Variants in RNF212 observed in about 807,000 individuals in gnomAD.
The protein encoded by RNF212 is ring finger protein 212, also known as probable E3 SUMO-protein ligase RNF212.
RNF212 carries 33 observed loss-of-function variants against 34.7 expected under a neutral mutation model. The observed-to-expected ratio is 0.95, with a 90% confidence interval of 0.72 to 1.27. RNF212 has a LOEUF of 1.27. RNF212 is among the 50% of genes most tolerant of loss of function. The pLI is 0.00. For synonymous variants in RNF212, 140 were observed against 136.1 expected, an observed-to-expected ratio of 1.03 and a Z score of -0.20; for missense variants, 377 against 362.2, an observed-to-expected ratio of 1.04 and a Z score of -0.33.
intron 8 of RNF212, among the ~76,000 whole-genome samples, chr4:1,074,067 T>A (rs111481773): frequency 6.6e-6 from 1 of 152,214 alleles, no homozygotes; most frequent in Non-Finnish European, 1.5e-5. Flanking sequence ...TTGGAGCTAA[T>A]GCTGCTCAGA....
intron 5 of RNF212, among the ~76,000 whole-genome samples, chr4:1,084,377 G>A (rs1044093179): frequency 1.3e-5 from 2 of 152,146 alleles, no homozygotes; most frequent in Non-Finnish European, 2.9e-5. Flanking sequence ...GGTCTCCGTT[G>A]CAATGCGTTT....
intron 8 of RNF212, among the ~76,000 whole-genome samples, chr4:1,078,400 G>A (rs1020156559): frequency 7.2e-5 from 11 of 152,146 alleles, no homozygotes; most frequent in East Asian, 3.9e-4. Context: ...GTGTGTGGCC[G>A]ATGTGGTACA....
At position 1,072,680 on chromosome 4, in the gene RNF212, G is replaced by A; in HGVS notation, c.*194C>T. ...AAAGGGATAATAACAATATATATGA[G>A]TACATAAAAATATTGTCTCTAAAAT... On this transcript the variant is annotated 3_prime_UTR_variant, in exon 10 of 10. Coordinates refer to ENST00000433731, the MANE Select transcript of RNF212 (RefSeq NM_001131034.4). The A allele has an allele frequency of 2.3e-6, 3 of 1,284,572 alleles. No individual in the cohort carries two copies. Among genetic ancestry groups the A allele is most frequent in the East Asian group, 5.4e-5 (2 of 36,988 alleles). 79.6% of individuals were successfully genotyped at this position (1,284,572 alleles called of 1,614,324 possible). A position where few individuals can be genotyped will look rare whatever the true frequency, so the allele number is the denominator to read the frequency against.
intron 3 of RNF212, among the ~76,000 whole-genome samples, chr4:1,092,658 GA>G (rs1722370640): frequency 6.6e-6 from 1 of 152,258 alleles, no homozygotes. Context: ...CTGAGCCAGA[GA>G]AACAGGTCAA....
At chr4:1,093,124 C>A (rs1471329027) in intron 3 of RNF212, among the ~76,000 whole-genome samples, 4 of 152,150 alleles carry the variant, frequency 2.6e-5, no homozygotes, top group African/African-American at 9.7e-5. Context: ...TGGACCAGGG[C>A]AGGCAGTGGC....
chr4:1,058,118 G>A lies in RNF212; in HGVS notation n.220+203C>T, dbSNP rs371215667. 6.9e-4 allele frequency among the ~76,000 whole-genome samples: 105 copies of A among 151,898 alleles called. 1 individual carries two copies. The South Asian group carries it at 0.011, about 16-fold the overall frequency. On this transcript the variant is annotated intron_variant and non_coding_transcript_variant, in intron 4 of 4. Coordinates refer to the RNF212 transcript ENST00000503206. ...TATACAACAAAACCTGACTCAAAGC[G>A]TGTAAAAACAGGGATGAAAAGCAAC...
intron 2 of RNF212, chr4:1,099,874 G>C (rs769285848): frequency 2.2e-6 from 1 of 456,238 alleles, no homozygotes; most frequent in Admixed American, 2.3e-5. Flanking sequence ...CTCTCCTCAC[G>C]CAGCTGTAAA....
chr4:1,090,325 G>A (rs1721987662), intron 4 of RNF212, among the ~76,000 whole-genome samples: 1 of 152,170 alleles, frequency 6.6e-6, no homozygotes. Flanking sequence ...GGAGGCAGCA[G>A]GGTCACAAGC....
chr4:1,106,842 T>A (rs1724907711), intron 2 of RNF212, among the ~76,000 whole-genome samples: 1 of 152,248 alleles, frequency 6.6e-6, no homozygotes, highest in Admixed American at 6.5e-5. Context: ...TTATATCTTT[T>A]GCCCTTGCTT....
chr4:1,063,232 G>A (rs919741761), intron 3 of RNF212, among the ~76,000 whole-genome samples: 2 of 152,012 alleles, frequency 1.3e-5, no homozygotes, highest in African/African-American at 4.8e-5. Context: ...GGAAATGCAA[G>A]GAACTCAAAA....
chr4:1,080,999 A>G (rs1416200087), intron 7 of RNF212, among the ~76,000 whole-genome samples: 1 of 152,062 alleles, frequency 6.6e-6, no homozygotes, highest in Non-Finnish European at 1.5e-5. Context: ...TGTGTGAGGG[A>G]CCCCCAGCCA....
chr4:1,060,659 GC>G (rs1717689585), intron 3 of RNF212, among the ~76,000 whole-genome samples: 2 of 152,256 alleles, frequency 1.3e-5, no homozygotes, highest in East Asian at 3.8e-4. Context: ...ACTGAAACAT[GC>G]TGACATTTGA....
downstream of RNF212, among the ~76,000 whole-genome samples, chr4:1,070,202 G>A (rs1169510856): frequency 3.1e-4 from 38 of 122,372 alleles, no homozygotes; most frequent in Middle Eastern, 7.1e-3. Context: ...GTTTTGTAGG[G>A]CTGTGCTGTG....
intron 2 of RNF212, among the ~76,000 whole-genome samples, chr4:1,100,534 A>T (rs1411932585): frequency 3.3e-5 from 5 of 151,082 alleles, no homozygotes; most frequent in African/African-American, 1.2e-4. Flanking sequence ...CAGGCTCCCA[A>T]GTAATTGGGA....
exon 1 of RNF212, chr4:1,113,553 GGGCAGCTCTGCGCCTGCGCAAAGTCGAC>G (rs1276848275): frequency 9.2e-7 from 1 of 1,085,720 alleles, no homozygotes; most frequent in South Asian, 1.5e-5. Context: ...GCCCGAAGGC[GGGCAGCTCTGCGCCTGCGCAAAGTCGAC>G]GGCAGCCCTG....
At chr4:1,111,776 G>C (rs985358436) in intron 1 of RNF212, among the ~76,000 whole-genome samples, 1 of 152,098 alleles carries the variant, frequency 6.6e-6, no homozygotes, top group African/African-American at 2.4e-5. Flanking sequence ...GATCACCGAA[G>C]ACAGGAGCAA....
intron 3 of RNF212, among the ~76,000 whole-genome samples, chr4:1,092,433 G>A (rs1722334559): frequency 6.6e-6 from 1 of 152,100 alleles, no homozygotes; most frequent in Admixed American, 6.5e-5. Context: ...GGTGTTGCAG[G>A]GTCTACACCA....
At position 1,058,384 on chromosome 4, in the gene RNF212, G is replaced by T; in HGVS notation, n.157C>A. 1.6e-5 allele frequency: 16 copies of T among 982,580 alleles called. 2 individuals are homozygous for T. Among genetic ancestry groups the T allele is most frequent in the Non-Finnish European group, 1.7e-5 (14 of 825,354 alleles). The allele number at this position is 982,580 out of a possible 1,614,324, so 60.9% of individuals were successfully genotyped here. The stretch of plus-strand genomic sequence containing the variant: ...GCCGGGATGCTCGGGGCCCAGGGAG[G>T]AGACGCTGCCTGTGGTGGAACAAGA... On this transcript the variant is annotated non_coding_transcript_exon_variant, in exon 4 of 5. Coordinates refer to the RNF212 transcript ENST00000503206.
chr4:1,069,052 A>C (rs1381802266), downstream of RNF212, among the ~76,000 whole-genome samples: 4 of 152,282 alleles, frequency 2.6e-5, no homozygotes, highest in South Asian at 8.3e-4. Flanking sequence ...TACTAAAAAT[A>C]CAAAAACAAT....
Sources: gnomAD v4.1 joint callset for allele counts (sites outside exome capture counted in the v4.1 genomes callset) on GRCh38, gnomAD v4.1.1 for gene constraint, MANE v1.5 for transcripts, NCBI Gene and HGNC (gene_info 2026-07-23, HGNC 2026-07-21) for gene names.